ERBB4: variants seen among roughly 807,000 people sequenced by gnomAD.
The protein encoded by ERBB4 is receptor tyrosine-protein kinase erbB-4.
ERBB4 carries 42 observed loss-of-function variants against 158.0 expected under a neutral mutation model. The observed-to-expected ratio is 0.27, with a 90% CI of 0.21 to 0.34. The LOEUF is 0.34. Ranked by LOEUF, ERBB4 falls within the 10% of genes least tolerant of loss-of-function variation. The pLI is 1.00. For synonymous variants in ERBB4, 583 were observed against 558.7 expected (o/e 1.04, Z -0.61); for missense variants, 1,333 against 1,624.1 (o/e 0.82, Z 3.08).
At chr2:211,577,660 C>T (rs1044141623) in intron 19 of ERBB4, among the ~76,000 whole-genome samples, 22 of 152,052 alleles carry the variant, frequency 1.4e-4, no homozygotes, top group African/African-American at 5.1e-4. Context: ...GTTCAACACA[C>T]GTAAATCAAT....
At position 211,387,040 on chromosome 2, in the gene ERBB4, A is replaced by G; in HGVS notation, c.3294T>C (p.Thr1098=). 6.2e-7 allele frequency: 1 copy of G among 1,614,046 alleles called. No individual in the cohort carries two copies. Among genetic ancestry groups the G allele is most frequent in the Non-Finnish European group, 8.5e-7 (1 of 1,179,962 alleles). ...AGCAGGAGTCATCAAAAATCTCAGC[A>G]GTAGCACCCTGTGCCACAGGAGCTT... ...IPEAPVAQGA[T]AEIFDDSCCN... The change falls in exon 27 of 28, where the codon ACT becomes ACC. Residue 1098 remains threonine, a synonymous_variant. Coordinates refer to ENST00000342788, the MANE Select transcript of ERBB4 (RefSeq NM_005235.3).
chr2:211,487,146 C>G (rs911723407), intron 20 of ERBB4, among the ~76,000 whole-genome samples: 2 of 117,970 alleles, frequency 1.7e-5, no homozygotes, highest in African/African-American at 6.3e-5. Flanking sequence ...TCCCTCCCCC[C>G]TCCCCCCACC....
chr2:211,705,371 T>C lies in ERBB4; in HGVS notation c.1145A>G (p.Glu382Gly), dbSNP rs2073400511. The change falls in exon 10 of 28, where the codon GAA becomes GGA. Residue 382 changes from glutamate to glycine, a missense_variant. Glu to Gly is a moderately conservative substitution (Grantham distance 98). Around this residue, in one of 5 missense-constraint regions of ERBB4, gnomAD observed 438 missense variants for 586.9 expected, o/e 0.75. Coordinates refer to ENST00000342788, the MANE Select transcript of ERBB4 (RefSeq NM_005235.3). ...GTTCAGTTTCTCTGGGTCTATGGCT[T>C]CAATTGCATTGTAAGGGTCCCTAGA... ...GIHGDPYNAIEAIDPEKLNVF... is the reference protein window; with the variant it reads ...GIHGDPYNAIGAIDPEKLNVF... 3.7e-6 allele frequency: 6 copies of C among 1,612,280 alleles called. No homozygotes were observed. The highest frequency in any genetic ancestry group is 5.1e-6 in the Non-Finnish European group (6 of 1,178,418).
intron 20 of ERBB4, among the ~76,000 whole-genome samples, chr2:211,502,667 T>C (rs1042062459): frequency 1.3e-5 from 2 of 152,158 alleles, no homozygotes; most frequent in African/African-American, 2.4e-5. Flanking sequence ...ATTAGATTCA[T>C]GAAAATGTAT....
At chr2:212,537,692 G>A (rs1266205043) in intron 1 of ERBB4, among the ~76,000 whole-genome samples, 1 of 151,872 alleles carries the variant, frequency 6.6e-6, no homozygotes, top group Non-Finnish European at 1.5e-5. Context: ...ACTCTTCCCG[G>A]AGCCAAACAC....
intron 3 of ERBB4, among the ~76,000 whole-genome samples, chr2:211,894,539 T>A (rs143929659): frequency 0.011 from 1,630 of 151,850 alleles, 21 homozygotes; most frequent in African/African-American, 0.037. Flanking sequence ...TGTGCACATG[T>A]ACCCTAAAAC....
At chr2:211,462,675 T>G (rs186421426) in intron 20 of ERBB4, among the ~76,000 whole-genome samples, 40 of 152,302 alleles carry the variant, frequency 2.6e-4, no homozygotes, top group Admixed American at 2.5e-3. Flanking sequence ...CTTCTTAGGA[T>G]TCCTAGAAAA....
At chr2:211,550,285 C>T (rs1468658394) in intron 20 of ERBB4, among the ~76,000 whole-genome samples, 1 of 151,870 alleles carries the variant, frequency 6.6e-6, no homozygotes, top group East Asian at 1.9e-4. Context: ...CATATAACTG[C>T]AAGTTTGATC....
chr2:212,457,079 C>T (rs1688329608), intron 1 of ERBB4, among the ~76,000 whole-genome samples: 1 of 151,878 alleles, frequency 6.6e-6, no homozygotes, highest in Admixed American at 6.6e-5. Flanking sequence ...GGTAAAACGG[C>T]AGGGGTACCT....
intron 16 of ERBB4, among the ~76,000 whole-genome samples, chr2:211,641,010 T>C (rs1185226367): frequency 6.6e-6 from 1 of 152,122 alleles, no homozygotes; most frequent in Non-Finnish European, 1.5e-5. Flanking sequence ...GGATTTGAAG[T>C]GCTAAAGGGT....
intron 25 of ERBB4, 35 bp from the exon 26 acceptor site, chr2:211,388,027 TAAG>T: frequency 7.0e-7 from 1 of 1,433,904 alleles, no homozygotes; most frequent in Non-Finnish European, 9.8e-7. Context: ...ATGGATATAA[TAAG>T]AGGCAATATG....
intron 2 of ERBB4, among the ~76,000 whole-genome samples, chr2:212,116,682 T>A (rs1297597067): frequency 6.6e-6 from 1 of 152,156 alleles, no homozygotes; most frequent in Non-Finnish European, 1.5e-5. Context: ...GCAATCCTCC[T>A]ACCTCAGCCT....
At chr2:211,923,708 C>A (rs577930342) in intron 3 of ERBB4, among the ~76,000 whole-genome samples, 3 of 148,798 alleles carry the variant, frequency 2.0e-5, no homozygotes, top group African/African-American at 7.7e-5. Flanking sequence ...TGCTCATAAT[C>A]TAAGTTGTAT....
rs1041789120 is a variant in ERBB4, at chr2:212,041,341, G to A, written c.234+83411C>T. On this transcript the variant is annotated intron_variant, in intron 2 of 27. Coordinates refer to ENST00000342788, the MANE Select transcript of ERBB4 (RefSeq NM_005235.3). The stretch of plus-strand genomic sequence containing the variant: ...TAAACAGATATATCTAAGCTAATGA[G>A]TATAAAAAAAATTCAGGTTACCCAT... Among the ~76,000 whole-genome samples, 15 of 148,344 alleles carry A rather than the reference G, an allele frequency of 1.0e-4. No individual in the cohort carries two copies. In the East Asian group the frequency reaches 2.5e-3, roughly 25 times the overall value.
chr2:212,096,669 G>C (rs1282512292), intron 2 of ERBB4, among the ~76,000 whole-genome samples: 1 of 152,108 alleles, frequency 6.6e-6, no homozygotes, highest in East Asian at 1.9e-4. Flanking sequence ...GCTAGTTGCA[G>C]GTTCATGATT....
chr2:212,003,186 A>G (rs1427403876), intron 2 of ERBB4, among the ~76,000 whole-genome samples: 1,868 of 73,784 alleles, frequency 0.025, 215 homozygotes, highest in Non-Finnish European at 0.046. Flanking sequence ...AGAAAGAAAG[A>G]AAGAAAGAAA....
chr2:212,368,850 G>C (rs1295791596), intron 1 of ERBB4, among the ~76,000 whole-genome samples: 1 of 152,082 alleles, frequency 6.6e-6, no homozygotes, highest in African/African-American at 2.4e-5. Context: ...AGACATATGA[G>C]CTCGGTTTTA....
At chr2:212,127,439 AC>A (rs2079971007) in intron 1 of ERBB4, among the ~76,000 whole-genome samples, 2 of 152,050 alleles carry the variant, frequency 1.3e-5, no homozygotes, top group Admixed American at 1.3e-4. Flanking sequence ...AAAAATACAA[AC>A]AATTAGCCGG....
At chr2:212,407,704 G>T (rs1304004407) in intron 1 of ERBB4, among the ~76,000 whole-genome samples, 2 of 152,044 alleles carry the variant, frequency 1.3e-5, no homozygotes, top group Non-Finnish European at 2.9e-5. Flanking sequence ...ACTCTAAACA[G>T]CAGTACAAAG....
Sources: gnomAD v4.1 joint callset for allele counts (sites outside exome capture counted in the v4.1 genomes callset) on GRCh38, gnomAD v4.1.1 for gene constraint, gnomAD v4.1.1 regional missense constraint, MANE v1.5 for transcripts, NCBI Gene and HGNC (gene_info 2026-07-23, HGNC 2026-07-21) for gene names.